HHAT: variants seen among roughly 807,000 people sequenced by gnomAD.
The protein encoded by HHAT is protein-cysteine N-palmitoyltransferase HHAT.
HHAT carries 47 observed loss-of-function variants against 70.8 expected under a neutral mutation model. That is an observed-to-expected ratio of 0.66 (90% CI 0.53 to 0.85). HHAT has a LOEUF of 0.85. Ranked by LOEUF, HHAT falls within the 40% of genes least tolerant of loss-of-function variation. The probability of loss-of-function intolerance (pLI) is 0.00; values close to 1 mark genes in which losing one functional copy is unlikely to be tolerated. For synonymous variants in HHAT, 228 were observed against 247.6 expected, an observed-to-expected ratio of 0.92 and a Z score of 0.74; for missense variants, 609 against 604.8, an observed-to-expected ratio of 1.01 and a Z score of -0.07.
At chr1:210,538,926 A>T (rs1447397473) in intron 9 of HHAT, among the ~76,000 whole-genome samples, 3 of 152,114 alleles carry the variant, frequency 2.0e-5, no homozygotes, top group Non-Finnish European at 4.4e-5. Context: ...AAAATACAAA[A>T]ATTAGCCGAG....
chr1:210,374,024 G>C (rs887086253), intron 3 of HHAT: 4 of 152,200 alleles, frequency 2.6e-5, no homozygotes, highest in African/African-American at 4.8e-5. Context: ...CTTTGACATG[G>C]AAAACAAGAG....
rs1253840596 is a variant in HHAT at position 210,367,416 on chromosome 1, T to G, written c.159+4497T>G. On this transcript the variant is annotated intron_variant, in intron 3 of 11. Coordinates refer to ENST00000261458, the MANE Select transcript of HHAT (RefSeq NM_018194.6). ...TAGATAGCCATGTAGGTAAGTGGGC[T>G]AAGTGGGACAGTGTGTAGAGTCAGA... Among the ~76,000 whole-genome samples, 3 of 152,212 alleles carry G rather than the reference T, an allele frequency of 2.0e-5. No homozygotes were observed. In the South Asian group the frequency reaches 6.2e-4, roughly 32 times the overall value.
chr1:210,513,839 G>A (rs2095003562), intron 9 of HHAT, among the ~76,000 whole-genome samples: 1 of 152,160 alleles, frequency 6.6e-6, no homozygotes, highest in Non-Finnish European at 1.5e-5. Context: ...GGTAAATAAT[G>A]ATCGTTAAAA....
intron 6 of HHAT, among the ~76,000 whole-genome samples, chr1:210,417,286 A>G (rs1225138855): frequency 6.6e-6 from 1 of 152,158 alleles, no homozygotes; most frequent in African/African-American, 2.4e-5. Context: ...AGGCTAGAGT[A>G]CAGTGGTGTG....
At chr1:210,390,159 T>C (rs1349756136) in intron 4 of HHAT, among the ~76,000 whole-genome samples, 1 of 151,912 alleles carries the variant, frequency 6.6e-6, no homozygotes, top group Admixed American at 6.6e-5. Context: ...ATTGTCAGAC[T>C]AGATGAAAAA....
At chr1:210,350,842 G>A (rs2086956226) in intron 2 of HHAT, among the ~76,000 whole-genome samples, 1 of 152,134 alleles carries the variant, frequency 6.6e-6, no homozygotes, top group African/African-American at 2.4e-5. Context: ...TTTAACTGGG[G>A]AAACTTCTGG....
At chr1:210,506,072 G>C (rs1352894943) in intron 8 of HHAT, among the ~76,000 whole-genome samples, 21 of 152,276 alleles carry the variant, frequency 1.4e-4, no homozygotes, top group Admixed American at 1.4e-3. Flanking sequence ...CGTCAAAGAA[G>C]CAGTTCTAAG....
chr1:210,366,570 C>A (rs768868159), intron 3 of HHAT, among the ~76,000 whole-genome samples: 1 of 152,130 alleles, frequency 6.6e-6, no homozygotes, highest in African/African-American at 2.4e-5. Context: ...GAGCAGAGAT[C>A]GTGCCACTGC....
intron 9 of HHAT, among the ~76,000 whole-genome samples, chr1:210,578,819 T>C (rs1479286808): frequency 1.3e-5 from 2 of 152,214 alleles, no homozygotes; most frequent in Admixed American, 1.3e-4. Flanking sequence ...ATTTCACTTA[T>C]ATGAGGGATC....
intron 7 of HHAT, among the ~76,000 whole-genome samples, chr1:210,424,706 T>C (rs2148298463): frequency 6.6e-6 from 1 of 152,322 alleles, no homozygotes; most frequent in East Asian, 1.9e-4. Context: ...CTGCATAGTA[T>C]TCCATGGTGT....
At chr1:210,498,722 G>C (rs1179142917) in intron 8 of HHAT, among the ~76,000 whole-genome samples, 3 of 151,988 alleles carry the variant, frequency 2.0e-5, no homozygotes, top group African/African-American at 7.2e-5. Context: ...TGAAAGGCCA[G>C]GCACTCTTTT....
chr1:210,639,422 C>T (rs1369976043), intron 11 of HHAT, among the ~76,000 whole-genome samples: 1 of 152,198 alleles, frequency 6.6e-6, no homozygotes, highest in African/African-American at 2.4e-5. Context: ...GATGAGTTTT[C>T]CAAGCTCTCC....
At chr1:210,390,171 AG>A (rs1362643431) in intron 4 of HHAT, among the ~76,000 whole-genome samples, 1 of 152,208 alleles carries the variant, frequency 6.6e-6, no homozygotes, top group Non-Finnish European at 1.5e-5. Context: ...GATGAAAAAA[AG>A]AAAGAGAAAT....
chr1:210,415,733 A>G (rs540179129), intron 6 of HHAT, among the ~76,000 whole-genome samples: 1 of 151,920 alleles, frequency 6.6e-6, no homozygotes, highest in Non-Finnish European at 1.5e-5. Flanking sequence ...GTCTCAGCTC[A>G]TTGCAATTTC....
chr1:210,368,424 TG>T (rs2089227595), intron 3 of HHAT, among the ~76,000 whole-genome samples: 1 of 152,268 alleles, frequency 6.6e-6, no homozygotes, highest in Non-Finnish European at 1.5e-5. Flanking sequence ...CCTGAGTAGC[TG>T]GGGTTGCAGG....
At chr1:210,589,308 A>T (rs1280500124) in intron 10 of HHAT, 2 of 148,256 alleles carry the variant, frequency 1.3e-5, no homozygotes, top group African/African-American at 5.3e-5. Context: ...CAAACAACAC[A>T]TTGGAGGGGA....
intron 10 of HHAT, among the ~76,000 whole-genome samples, chr1:210,595,059 C>A (rs1662623302): frequency 6.6e-6 from 1 of 152,118 alleles, no homozygotes; most frequent in Non-Finnish European, 1.5e-5. Context: ...TGGTGTGCTG[C>A]ATGCATTAAC....
intron 5 of HHAT, 115 bp downstream of exon 5, chr1:210,400,777 C>A (rs1354853799): frequency 3.2e-6 from 3 of 938,012 alleles, no homozygotes; most frequent in Non-Finnish European, 4.7e-6. Context: ...TGTGATGGGG[C>A]TCCCCATAGT....
intron 8 of HHAT, among the ~76,000 whole-genome samples, chr1:210,482,128 C>T (rs1349053683): frequency 6.6e-6 from 1 of 152,114 alleles, no homozygotes; most frequent in East Asian, 1.9e-4. Flanking sequence ...TGTGTTGAGG[C>T]AGAAGCAGTA....
Sources: gnomAD v4.1 joint callset for allele counts (sites outside exome capture counted in the v4.1 genomes callset) on GRCh38, gnomAD v4.1.1 for gene constraint, MANE v1.5 for transcripts, NCBI Gene and HGNC (gene_info 2026-07-23, HGNC 2026-07-21) for gene names.